The following SPTAN1 variants were observed in gnomAD, a reference collection of about 807,000 sequenced individuals.
SPTAN1 encodes spectrin alpha chain, non-erythrocytic 1.
SPTAN1 carries 61 observed loss-of-function variants against 331.3 expected under a neutral mutation model. The ratio of observed to expected loss-of-function variants is 0.18; its 90% CI spans 0.15 to 0.23. The LOEUF is 0.23. Among genes scored for constraint, SPTAN1 ranks in the 10% least tolerant of loss-of-function variants. The pLI, the probability that SPTAN1 is intolerant of heterozygous loss-of-function variation, is 1.00. For missense variants in SPTAN1, 2,043 were observed against 3,147.9 expected, an observed-to-expected ratio of 0.65 and a Z score of 8.40; for synonymous variants, 1,153 against 1,173.9, an observed-to-expected ratio of 0.98 and a Z score of 0.36.
intron 24 of SPTAN1, among the ~76,000 whole-genome samples, chr9:128,594,823 T>TC (rs1854032073): frequency 3.9e-5 from 4 of 103,354 alleles, no homozygotes; most frequent in African/African-American, 9.2e-5. Context: ...TTTTTTTTTT[T>TC]CAATTTTTTT....
intron 27 of SPTAN1, among the ~76,000 whole-genome samples, chr9:128,603,025 T>C (rs1855377302): frequency 6.6e-6 from 1 of 152,242 alleles, no homozygotes; most frequent in Non-Finnish European, 1.5e-5. Flanking sequence ...TGTTGAAAGC[T>C]AATTCACTGC....
At chr9:128,578,532 G>T (rs1851563388) in intron 9 of SPTAN1, among the ~76,000 whole-genome samples, 1 of 152,136 alleles carries the variant, frequency 6.6e-6, no homozygotes, top group Non-Finnish European at 1.5e-5. Flanking sequence ...CCTTTGTGAT[G>T]TAAAAAGTAT....
Position 128,583,094 on chromosome 9 carries a change from A to G in SPTAN1, c.1824A>G (p.Gln608=), listed in dbSNP as rs1057523726. The G allele has an allele frequency of 5.0e-6, 8 of 1,614,184 alleles. No homozygotes were observed. The highest frequency in any genetic ancestry group is 4.0e-5 in the African/African-American group (3 of 75,070). ...ATTCACAGGATCCATCCAACCTACA[A>G]GGAAAAGTACAGAAGCATCAGGCTT... ...DEAYKDPSNL[Q]GKVQKHQAFE... The change falls in exon 15 of 57, where the codon CAA becomes CAG. Residue 608 remains glutamine, a synonymous_variant. Transcript: ENST00000372739.
intron 21 of SPTAN1, 107 bp from the exon 22 acceptor site, chr9:128,591,370 T>C: frequency 6.7e-7 from 1 of 1,492,978 alleles, no homozygotes; most frequent in African/African-American, 1.4e-5. Context: ...CCGGCCGTTT[T>C]GGACCTCTTA....
At chr9:128,587,384 C>G (rs1167714392) in intron 19 of SPTAN1, among the ~76,000 whole-genome samples, 1 of 152,190 alleles carries the variant, frequency 6.6e-6, no homozygotes, top group Non-Finnish European at 1.5e-5. Flanking sequence ...TGTGCCTAGA[C>G]CAGGATGAGT....
rs3763599 is a variant in SPTAN1 at position 128,569,171 on chromosome 9, A to G, written c.363+274A>G. 0.16 allele frequency among the ~76,000 whole-genome samples: 24,377 copies of G among 152,166 alleles called. 2,483 individuals carry two copies. The highest frequency in any genetic ancestry group is 0.44 in the East Asian group (2,277 of 5,172). ...AAAGAAAACTGTGAATTTAACATTTATAAGTGGCAGTGAGATGGCAGAGCA... is the reference window on the plus strand; with the variant it reads ...AAAGAAAACTGTGAATTTAACATTTGTAAGTGGCAGTGAGATGGCAGAGCA... On this transcript the variant is annotated intron_variant, in intron 3 of 56. Coordinates refer to ENST00000372739, the MANE Select transcript of SPTAN1 (RefSeq NM_001130438.3).
Position 128,591,558 on chromosome 9 carries a change from G to T in SPTAN1, c.3088G>T (p.Ala1030Ser). ...GAAGAAATTGGACCCCGCCCAGTCA[G>T]CCTCCCGGGAGAATCTCCTGGAGGA... Reference protein sequence around the residue: ...YVKKLDPAQSASRENLLEEQG... With the variant: ...YVKKLDPAQSSSRENLLEEQG... The change falls in exon 22 of 57, where the codon GCC (alanine) becomes TCC (serine). Residue 1030 changes from alanine to serine, a missense_variant. Ala to Ser is a moderately conservative substitution (Grantham distance 99). Around this residue, in one of 12 missense-constraint regions of SPTAN1, gnomAD observed 1,038 missense variants for 1,531.5 expected, o/e 0.68. Transcript: ENST00000372739. 6.2e-7 allele frequency: 1 copy of T among 1,614,220 alleles called. No individual in the cohort carries two copies. The highest frequency in any genetic ancestry group is 2.2e-5 in the East Asian group (1 of 44,884).
rs778937633 is a variant in SPTAN1 at position 128,617,999 on chromosome 9, A to G, written c.5491A>G (p.Thr1831Ala). The change falls in exon 43 of 57, where the codon ACT becomes GCT. Residue 1831 changes from threonine (T) to alanine (A), a missense_variant. This residue lies in a region of SPTAN1 where 323 missense variants were observed against 581.1 expected (regional missense o/e 0.56). Transcript: ENST00000372739. The stretch of plus-strand genomic sequence containing the variant: ...CCTTGCCTGTCAGGGTGTCCTGGAC[A>G]CTGGCAAGAAGCTGTCCGATGACAA... ...HEPAIQGVLD[T>A]GKKLSDDNTI... 5 of 1,614,170 alleles carry G rather than the reference A, an allele frequency of 3.1e-6. No homozygotes were observed. In the East Asian group the frequency reaches 6.7e-5, roughly 22 times the overall value.
intron 1 of SPTAN1, among the ~76,000 whole-genome samples, chr9:128,557,331 C>T (rs893641296): frequency 2.6e-5 from 4 of 152,144 alleles, no homozygotes; most frequent in African/African-American, 9.7e-5. Flanking sequence ...CTCCTTTCAG[C>T]TTCACTATAA....
Position 128,609,638 on chromosome 9 carries a change from T to A in SPTAN1, c.4759-13T>A. On this transcript the variant is annotated splice_polypyrimidine_tract_variant and intron_variant, in intron 36 of 56. Coordinates refer to ENST00000372739, the MANE Select transcript of SPTAN1 (RefSeq NM_001130438.3). ...GTGTACTGAACTCTTGTTCTTTTAA[T>A]CTGTTTTTGTAGCTTTCCAAGCTGC... 1 of 1,525,198 alleles carries A rather than the reference T, an allele frequency of 6.6e-7. No homozygotes were observed. The highest frequency in any genetic ancestry group is 8.8e-7 in the Non-Finnish European group (1 of 1,138,472). 94.5% of individuals were successfully genotyped at this position (1,525,198 alleles called of 1,614,324 possible).
At position 128,627,577 on chromosome 9, in the gene SPTAN1, G is replaced by T; in HGVS notation, c.6689+79G>T. ...CCTGGGGAGCTTCCAGCCCCAAGGA[G>T]GTGGTGGTGCTTTGTGTAAAACCAG... On this transcript the variant is annotated intron_variant, in intron 50 of 56. Transcript: ENST00000372739. The surrounding 1 kb of genome is among the most constrained non-coding windows in gnomAD (Gnocchi z 4.9). 1 of 1,329,142 alleles carries T rather than the reference G, an allele frequency of 7.5e-7. No homozygotes were observed. Among genetic ancestry groups the T allele is most frequent in the Non-Finnish European group, 1.1e-6 (1 of 944,820 alleles). The allele number at this position is 1,329,142 out of a possible 1,614,324, so 82.3% of individuals were successfully genotyped here.
At chr9:128,575,445 T>C (rs780150883) in intron 5 of SPTAN1, 100 bp downstream of exon 5, 10 of 1,370,154 alleles carry the variant, frequency 7.3e-6, no homozygotes, top group Non-Finnish European at 1.0e-5. Context: ...AATTTCTGAG[T>C]GAGCAAGTTT....
chr9:128,601,087 G>A (rs1175151818), intron 27 of SPTAN1, among the ~76,000 whole-genome samples: 1 of 140,180 alleles, frequency 7.1e-6, no homozygotes, highest in Non-Finnish European at 1.5e-5. Flanking sequence ...AGATTCAAGC[G>A]ATCCTCCTTC....
intron 2 of SPTAN1, among the ~76,000 whole-genome samples, chr9:128,567,317 GT>G (rs1488894850): frequency 1.3e-5 from 2 of 152,178 alleles, no homozygotes; most frequent in African/African-American, 4.8e-5. Flanking sequence ...TTGAGGCAGA[GT>G]TGCGCTCATG....
At chr9:128,593,976 G>A (rs1201737842) in intron 23 of SPTAN1, 199 bp from the exon 24 acceptor site, 1 of 633,320 alleles carries the variant, frequency 1.6e-6, no homozygotes, top group African/African-American at 1.8e-5. Flanking sequence ...ACAGTACAGT[G>A]TGCGCATATC....
At position 128,625,221 on chromosome 9, in the gene SPTAN1, G is replaced by T. The variant is rs546275119; in HGVS notation, c.6069+42G>T. 1.9e-6 allele frequency: 3 copies of T among 1,587,822 alleles called. No individual in the cohort carries two copies. The highest frequency in any genetic ancestry group is 1.1e-5 in the South Asian group (1 of 90,384). ...TCACTGGTTGAAATGTATGCAGATA[G>T]CATCTGTGAGATGACTGGTGGCGTC... On this transcript the variant is annotated intron_variant, in intron 47 of 56. Transcript: ENST00000372739. This position sits in a 1 kb window ranked among gnomAD's most constrained non-coding sequence, Gnocchi z 4.1.
At chr9:128,575,463 C>G in intron 5 of SPTAN1, 118 bp downstream of exon 5, 14 of 1,152,916 alleles carry the variant, frequency 1.2e-5, no homozygotes, top group Non-Finnish European at 1.6e-5. Context: ...TTTTTGTAAG[C>G]ATGTCTGAGA....
intron 28 of SPTAN1, among the ~76,000 whole-genome samples, chr9:128,603,838 G>A (rs2131550037): frequency 6.6e-6 from 1 of 152,352 alleles, no homozygotes; most frequent in East Asian, 1.9e-4. Flanking sequence ...TTCCAGTAGG[G>A]CAGGGAGCTG....
At chr9:128,602,391 A>G (rs1207767648) in intron 27 of SPTAN1, among the ~76,000 whole-genome samples, 5 of 151,444 alleles carry the variant, frequency 3.3e-5, no homozygotes, top group African/African-American at 1.2e-4. Context: ...TAATTTTTAT[A>G]TTTTTAGTAG....
Sources: gnomAD v4.1 joint callset for allele counts (sites outside exome capture counted in the v4.1 genomes callset) on GRCh38, gnomAD v4.1.1 for gene constraint, gnomAD v4.1.1 regional missense constraint, Gnocchi (gnomAD v3.1) non-coding constraint, MANE v1.5 for transcripts, NCBI Gene and HGNC (gene_info 2026-07-23, HGNC 2026-07-21) for gene names.